The following MCCC1 variants were observed in gnomAD, a reference collection of about 807,000 sequenced individuals.
The protein encoded by MCCC1 is methylcrotonoyl-CoA carboxylase subunit alpha, mitochondrial.
A neutral mutation model predicts 83.8 loss-of-function variants in MCCC1; 64 were observed. The ratio of observed to expected loss-of-function variants is 0.76; its 90% CI spans 0.62 to 0.94. MCCC1 has a LOEUF of 0.94. MCCC1 is among the 40% of genes least tolerant of loss of function. The probability of loss-of-function intolerance (pLI) is 0.00; values close to 1 mark genes in which losing one functional copy is unlikely to be tolerated. For synonymous variants in MCCC1, 322 were observed against 315.4 expected (o/e 1.02, Z -0.22); for missense variants, 807 against 904.7 (o/e 0.89, Z 1.39).
upstream of MCCC1, among the ~76,000 whole-genome samples, chr3:183,103,457 C>T (rs1451639459): frequency 6.6e-6 from 1 of 151,742 alleles, no homozygotes; most frequent in Non-Finnish European, 1.5e-5. Context: ...AGCCTGGAGA[C>T]GTGGAGATTA....
chr3:183,111,114 T>C (rs939792985), intron 1 of MCCC1, among the ~76,000 whole-genome samples: 3 of 152,194 alleles, frequency 2.0e-5, no homozygotes, highest in Admixed American at 6.5e-5. Flanking sequence ...GAAAATTATA[T>C]AAGAGTTCCT....
intron 3 of MCCC1, 94 bp from the exon 4 acceptor site, chr3:183,086,882 A>G: frequency 8.8e-7 from 1 of 1,130,714 alleles, no homozygotes; most frequent in South Asian, 1.3e-5. Context: ...TATTATTGTA[A>G]ATAAAAATGC....
At chr3:183,059,220 A>C (rs1181043571) in intron 7 of MCCC1, among the ~76,000 whole-genome samples, 1 of 152,186 alleles carries the variant, frequency 6.6e-6, no homozygotes, top group African/African-American at 2.4e-5. Context: ...GAGGCATGAG[A>C]ATCACTTGAA....
At chr3:183,053,535 G>A (rs146988092) in intron 8 of MCCC1, among the ~76,000 whole-genome samples, 14 of 151,894 alleles carry the variant, frequency 9.2e-5, no homozygotes, top group South Asian at 2.1e-4. Context: ...GGCCAGGCAC[G>A]GTGGCTCATG....
chr3:183,109,693 G>A (rs1313578970), intron 1 of MCCC1, among the ~76,000 whole-genome samples: 6 of 152,112 alleles, frequency 3.9e-5, no homozygotes, highest in Non-Finnish European at 8.8e-5. Context: ...CTTTGCTATT[G>A]TGAATGGTGC....
At chr3:183,053,805 AAAAAAAAAAC>A (rs913566309) in intron 8 of MCCC1, among the ~76,000 whole-genome samples, 21 of 133,472 alleles carry the variant, frequency 1.6e-4, no homozygotes, top group Admixed American at 7.9e-4. Context: ...GCTCTGTCTC[AAAAAAAAAAC>A]AAAAAAAAAC....
intron 5 of MCCC1, 74 bp downstream of exon 5, chr3:183,072,292 A>G (rs769408130): frequency 2.2e-5 from 35 of 1,563,622 alleles, no homozygotes; most frequent in African/African-American, 1.8e-4. Context: ...TATTACAGGC[A>G]TAGCCACATG....
chr3:183,106,951 CT>C (rs539571632), intron 1 of MCCC1, among the ~76,000 whole-genome samples: 5 of 151,298 alleles, frequency 3.3e-5, no homozygotes, highest in East Asian at 3.9e-4. Flanking sequence ...GACATGATGC[CT>C]TTTTTTTTAC....
chr3:183,057,210 T>C (rs1715485583), intron 8 of MCCC1, 101 bp downstream of exon 8: 2 of 958,208 alleles, frequency 2.1e-6, no homozygotes, highest in Admixed American at 2.0e-5. Context: ...CAGCAGGAGT[T>C]TGAGGGGTGA....
At chr3:183,052,438 C>T (rs1489109153) in intron 8 of MCCC1, among the ~76,000 whole-genome samples, 198 bp from the exon 9 acceptor site, 1 of 152,190 alleles carries the variant, frequency 6.6e-6, no homozygotes, top group East Asian at 1.9e-4. Context: ...GTCATAACAT[C>T]ACAGCACAGT....
At chr3:183,032,387 G>A (rs1054480312) in intron 14 of MCCC1, among the ~76,000 whole-genome samples, 1 of 152,248 alleles carries the variant, frequency 6.6e-6, no homozygotes, top group Non-Finnish European at 1.5e-5. Context: ...AGATTTGGGG[G>A]GTTGTATTTT....
intron 5 of MCCC1, among the ~76,000 whole-genome samples, 199 bp from the exon 6 acceptor site, chr3:183,071,556 A>AT (rs1303599507): frequency 6.6e-6 from 1 of 152,146 alleles, no homozygotes; most frequent in African/African-American, 2.4e-5. Flanking sequence ...ATCTCACCCT[A>AT]TTTTTTAATC....
At chr3:183,106,081 T>TAAA (rs563718218) in intron 1 of MCCC1, among the ~76,000 whole-genome samples, 6 of 101,076 alleles carry the variant, frequency 5.9e-5, no homozygotes, top group Middle Eastern at 4.9e-3. Context: ...AGAGAGTCCG[T>TAAA]AAAAAAAAAA....
At position 183,079,127 on chromosome 3, in the gene MCCC1, C is replaced by T. The variant is rs139209950; in HGVS notation, c.370-6640G>A. Among the ~76,000 whole-genome samples the T allele has an allele frequency of 3.4e-4, 52 of 152,234 alleles. No individual in the cohort carries two copies. The East Asian group carries it at 6.6e-3, about 19-fold the overall frequency. On this transcript the variant is annotated intron_variant, in intron 4 of 18. Coordinates refer to ENST00000265594, the MANE Select transcript of MCCC1 (RefSeq NM_020166.5). Reference sequence around the variant, plus strand: ...GACACAGAACCAAACCATATCATTCCGCTCCTCATCCCTCCTAAATCTCAT... The same window carrying T: ...GACACAGAACCAAACCATATCATTCTGCTCCTCATCCCTCCTAAATCTCAT...
rs1717937334 is a variant in MCCC1, at chr3:183,086,920, G to A, written c.274-132C>T. On this transcript the variant is annotated intron_variant, in intron 3 of 18. Transcript: ENST00000265594. ...CTCCCTCAAGAACAGTGCAAGAATTGAAAAACTGAAGTACCAATGTATGTC... is the reference window on the plus strand; with the variant it reads ...CTCCCTCAAGAACAGTGCAAGAATTAAAAAACTGAAGTACCAATGTATGTC... 8 of 782,290 alleles carry A rather than the reference G, an allele frequency of 1.0e-5. No individual in the cohort carries two copies. The East Asian group carries it at 2.2e-4, about 21-fold the overall frequency. 48.5% of individuals were successfully genotyped at this position (782,290 alleles called of 1,614,324 possible).
intron 4 of MCCC1, among the ~76,000 whole-genome samples, chr3:183,081,240 C>T (rs1203325702): frequency 6.6e-6 from 1 of 152,226 alleles, no homozygotes; most frequent in African/African-American, 2.4e-5. Context: ...CGGGCTAATT[C>T]CCTTGCTTCA....
chr3:183,042,838 T>G (rs1714203318), intron 10 of MCCC1, among the ~76,000 whole-genome samples: 1 of 152,174 alleles, frequency 6.6e-6, no homozygotes, highest in Non-Finnish European at 1.5e-5. Flanking sequence ...ATTCCATCCT[T>G]AGGATCTAGA....
chr3:183,066,205 A>C (rs1716246981), intron 7 of MCCC1, among the ~76,000 whole-genome samples: 1 of 152,178 alleles, frequency 6.6e-6, no homozygotes. Context: ...GAGGTAACCA[A>C]ATTTCTTTGT....
intron 1 of MCCC1, among the ~76,000 whole-genome samples, chr3:183,095,984 A>G (rs892911893): frequency 1.3e-5 from 2 of 152,238 alleles, no homozygotes; most frequent in African/African-American, 4.8e-5. Context: ...GCTGACAGAA[A>G]ACAGGCCAGA....
Sources: allele counts gnomAD v4.1 joint callset (sites outside exome capture counted in the v4.1 genomes callset), GRCh38; gene constraint gnomAD v4.1.1; transcripts MANE v1.5; gene names NCBI Gene and HGNC (gene_info 2026-07-23, HGNC 2026-07-21).